Variants in NKAIN3 observed in about 807,000 individuals in gnomAD.
NKAIN3 encodes sodium/potassium transporting ATPase interacting 3.
A neutral mutation model predicts 30.2 loss-of-function variants in NKAIN3; 25 were observed. That is an observed-to-expected ratio of 0.83 (90% CI 0.60 to 1.16). The LOEUF is 1.16. Ranked by LOEUF, NKAIN3 falls within the 50% of genes most tolerant of loss-of-function variation. The probability of loss-of-function intolerance (pLI) is 0.00; values close to 1 mark genes in which losing one functional copy is unlikely to be tolerated. For missense variants in NKAIN3, 225 were observed against 254.1 expected, an observed-to-expected ratio of 0.89 and a Z score of 0.78; for synonymous variants, 91 against 89.6, an observed-to-expected ratio of 1.02 and a Z score of -0.09.
chr8:62,724,395 A>T (rs1308236425), intron 3 of NKAIN3, among the ~76,000 whole-genome samples: 2 of 152,034 alleles, frequency 1.3e-5, no homozygotes, highest in Non-Finnish European at 2.9e-5. Flanking sequence ...TCATCCAATT[A>T]TTCTGTATTA....
chr8:62,888,522 C>T (rs533135415), intron 4 of NKAIN3, among the ~76,000 whole-genome samples: 112 of 152,310 alleles, frequency 7.4e-4, no homozygotes, highest in African/African-American at 2.4e-3. Flanking sequence ...TCTGTACCTA[C>T]GTGCATATCT....
intron 5 of NKAIN3, among the ~76,000 whole-genome samples, chr8:62,942,408 C>A (rs956452036): frequency 7.3e-5 from 11 of 151,072 alleles, no homozygotes; most frequent in African/African-American, 2.7e-4. Flanking sequence ...ACACCCCATG[C>A]TCATGGATGC....
intron 1 of NKAIN3, among the ~76,000 whole-genome samples, chr8:62,529,459 C>G (rs1051623846): frequency 1.3e-5 from 2 of 152,108 alleles, no homozygotes; most frequent in African/African-American, 4.8e-5. Context: ...GCTAAGGGAG[C>G]AGGCCTTTGG....
chr8:62,476,201 A>G (rs1452769950), intron 1 of NKAIN3, among the ~76,000 whole-genome samples: 2 of 152,204 alleles, frequency 1.3e-5, no homozygotes, highest in East Asian at 3.9e-4. Flanking sequence ...ACCATGGCAT[A>G]TATTTCAAGG....
At chr8:62,920,959 G>C (rs1396400600) in intron 5 of NKAIN3, among the ~76,000 whole-genome samples, 2 of 152,146 alleles carry the variant, frequency 1.3e-5, no homozygotes, top group Non-Finnish European at 2.9e-5. Flanking sequence ...GGAAACAAAA[G>C]TGCAGATGTA....
intron 1 of NKAIN3, among the ~76,000 whole-genome samples, chr8:62,423,335 C>T (rs915026989): frequency 1.3e-5 from 2 of 151,718 alleles, no homozygotes; most frequent in Admixed American, 6.6e-5. Flanking sequence ...CTCTTTATTT[C>T]CAAACCGTGC....
At chr8:62,542,662 G>A (rs139720499) in intron 1 of NKAIN3, among the ~76,000 whole-genome samples, 12 of 152,120 alleles carry the variant, frequency 7.9e-5, no homozygotes, top group Non-Finnish European at 1.5e-4. Context: ...AATTACTCAC[G>A]CAATATTTAA....
intron 4 of NKAIN3, among the ~76,000 whole-genome samples, chr8:62,794,612 G>T (rs902143276): frequency 2.6e-5 from 4 of 152,136 alleles, no homozygotes; most frequent in Non-Finnish European, 4.4e-5. Context: ...ATCTGTTTGA[G>T]CTCAGCCCTT....
chr8:62,457,677 T>G (rs1270639945), intron 1 of NKAIN3, among the ~76,000 whole-genome samples: 1 of 152,220 alleles, frequency 6.6e-6, no homozygotes, highest in South Asian at 2.1e-4. Flanking sequence ...TAAAAAAATA[T>G]TGAATGAAGT....
intron 1 of NKAIN3, among the ~76,000 whole-genome samples, chr8:62,404,166 C>G (rs1026415851): frequency 2.6e-5 from 4 of 152,202 alleles, no homozygotes; most frequent in Non-Finnish European, 5.9e-5. Flanking sequence ...CTCATTGTAT[C>G]TAGGAAGTAA....
At chr8:62,251,826 A>G (rs1273169055) in intron 1 of NKAIN3, among the ~76,000 whole-genome samples, 1 of 152,226 alleles carries the variant, frequency 6.6e-6, no homozygotes, top group East Asian at 1.9e-4. Flanking sequence ...AGTATACTTT[A>G]TATAGCATTT....
At chr8:62,390,838 T>C (rs1366856613) in intron 1 of NKAIN3, among the ~76,000 whole-genome samples, 2 of 152,230 alleles carry the variant, frequency 1.3e-5, no homozygotes, top group African/African-American at 4.8e-5. Context: ...ATGTATGTTT[T>C]CTTTTGAAAA....
Position 62,448,047 on chromosome 8 carries a change from T to C in NKAIN3, c.55-131492T>C, listed in dbSNP as rs376117600. Among the ~76,000 whole-genome samples, 27 of 152,018 alleles carry C rather than the reference T, an allele frequency of 1.8e-4. No individual in the cohort carries two copies. The East Asian group carries it at 4.4e-3, about 25-fold the overall frequency. On this transcript the variant is annotated intron_variant, in intron 1 of 6. Coordinates refer to ENST00000623646, the MANE Select transcript of NKAIN3 (RefSeq NM_001304533.3). ...AATCAACATAAGGGAGAAAGCTAGG[T>C]TGGATTTAAGTAGCCATTCAGTTAA...
chr8:62,355,871 A>AT (rs1816335540), intron 1 of NKAIN3, among the ~76,000 whole-genome samples: 1 of 152,204 alleles, frequency 6.6e-6, no homozygotes, highest in East Asian at 1.9e-4. Context: ...CTGTGCATAA[A>AT]TTTTATCTTA....
At chr8:62,820,299 A>C (rs1204179972) in intron 4 of NKAIN3, among the ~76,000 whole-genome samples, 1 of 152,162 alleles carries the variant, frequency 6.6e-6, no homozygotes, top group South Asian at 2.1e-4. Flanking sequence ...CTTTTTTAAT[A>C]GTATAAACAA....
At chr8:62,285,087 T>C (rs551773064) in intron 1 of NKAIN3, among the ~76,000 whole-genome samples, 2 of 152,296 alleles carry the variant, frequency 1.3e-5, no homozygotes, top group South Asian at 4.1e-4. Flanking sequence ...CTGGGGCTCT[T>C]CAATACTCAT....
intron 1 of NKAIN3, among the ~76,000 whole-genome samples, chr8:62,371,677 C>T (rs1304378137): frequency 1.3e-5 from 2 of 151,848 alleles, no homozygotes; most frequent in African/African-American, 2.4e-5. Context: ...CTTTATTTCA[C>T]GTACCTCCAT....
chr8:62,582,762 C>T (rs1278023140), intron 2 of NKAIN3, among the ~76,000 whole-genome samples: 1 of 152,150 alleles, frequency 6.6e-6, no homozygotes, highest in Non-Finnish European at 1.5e-5. Flanking sequence ...AGGCACTAAC[C>T]ATGTAAGGAG....
intron 1 of NKAIN3, among the ~76,000 whole-genome samples, chr8:62,329,436 A>C (rs1383107916): frequency 6.6e-6 from 1 of 152,156 alleles, no homozygotes; most frequent in Non-Finnish European, 1.5e-5. Context: ...CAATGATCCC[A>C]TCACCCATTC....
Sources: allele counts gnomAD v4.1 joint callset (sites outside exome capture counted in the v4.1 genomes callset), GRCh38; gene constraint gnomAD v4.1.1; transcripts MANE v1.5; gene names NCBI Gene and HGNC (gene_info 2026-07-23, HGNC 2026-07-21).